RNF152: variants seen among roughly 807,000 people sequenced by gnomAD.
RNF152 encodes ring finger protein 152.
In RNF152, 11 loss-of-function variants were observed where a neutral mutation model predicts 12.7. The observed-to-expected ratio is 0.86, with a 90% CI of 0.54 to 1.43. RNF152 has a LOEUF of 1.43. RNF152 is among the 40% of genes most tolerant of loss of function. RNF152 has a pLI of 0.00. For missense variants in RNF152, 255 were observed against 274.8 expected, an observed-to-expected ratio of 0.93 and a Z score of 0.51; for synonymous variants, 113 against 120.3, an observed-to-expected ratio of 0.94 and a Z score of 0.40.
intron 1 of RNF152, among the ~76,000 whole-genome samples, chr18:61,875,304 C>A (rs1307858984): frequency 6.6e-6 from 1 of 152,198 alleles, no homozygotes; most frequent in Admixed American, 6.5e-5. Context: ...TCTGTAAAAT[C>A]TTTTCAATAT....
intron 1 of RNF152, among the ~76,000 whole-genome samples, chr18:61,834,641 T>G (rs148850550): frequency 6.6e-6 from 1 of 152,066 alleles, no homozygotes; most frequent in East Asian, 1.9e-4. Context: ...GCTCAATAAA[T>G]GCTTGTAGAA....
In RNF152 at chr18:61,809,236, A is replaced by G. The variant is rs9963722; in HGVS notation, c.*6616T>C. 37,411 of 151,812 alleles carry G rather than the reference A, an allele frequency of 0.25. 4,736 individuals are homozygous for G. Among genetic ancestry groups the G allele is most frequent in the African/African-American group, 0.3 (12,575 of 41,364 alleles). The allele number at this position is 151,812 out of a possible 1,614,324, so 9.4% of individuals were successfully genotyped here. ...CCCTCTCCCTCTACTTAATAGTTGC[A>G]TTGTCCCTCAACCCAGAAAATCCTA... On this transcript the variant is annotated 3_prime_UTR_variant, in exon 2 of 2. Coordinates refer to ENST00000312828, the MANE Select transcript of RNF152 (RefSeq NM_173557.3).
At chr18:61,860,123 A>G (rs1911398718) in intron 1 of RNF152, among the ~76,000 whole-genome samples, 1 of 152,166 alleles carries the variant, frequency 6.6e-6, no homozygotes. Context: ...GACTGCCGAC[A>G]GCACGAGAAG....
At chr18:61,877,062 T>C (rs566230002) in intron 1 of RNF152, among the ~76,000 whole-genome samples, 239 of 152,222 alleles carry the variant, frequency 1.6e-3, no homozygotes, top group Non-Finnish European at 2.6e-3. Context: ...CCTGTGCAAA[T>C]AGAACAGGCA....
In RNF152 at chr18:61,808,553, T is replaced by C. The variant is rs1486243268; in HGVS notation, c.*7299A>G. On this transcript the variant is annotated 3_prime_UTR_variant, in exon 2 of 2. Coordinates refer to ENST00000312828, the MANE Select transcript of RNF152 (RefSeq NM_173557.3). Reference sequence around the variant, plus strand: ...GCCAGAGAACCCACCGCTAAAGCCGTAGGGTGGGAGGAACCCTGGATTGCA... The same window carrying C: ...GCCAGAGAACCCACCGCTAAAGCCGCAGGGTGGGAGGAACCCTGGATTGCA... The C allele has an allele frequency of 2.0e-5, 3 of 152,110 alleles. No individual in the cohort carries two copies. The highest frequency in any genetic ancestry group is 2.9e-5 in the Non-Finnish European group (2 of 68,022). 9.4% of individuals were successfully genotyped at this position (152,110 alleles called of 1,614,324 possible).
intron 1 of RNF152, among the ~76,000 whole-genome samples, chr18:61,863,835 G>A (rs912199262): frequency 7.9e-5 from 12 of 152,202 alleles, no homozygotes; most frequent in Admixed American, 6.5e-5. Flanking sequence ...GAGCCAGGGC[G>A]GAGTGGCAGG....
intron 1 of RNF152, among the ~76,000 whole-genome samples, chr18:61,862,446 G>C (rs1218393562): frequency 5.3e-5 from 8 of 152,212 alleles, no homozygotes; most frequent in Non-Finnish European, 1.2e-4. Flanking sequence ...CTTTCAAAAA[G>C]GTGGGAGGGA....
rs1017892181 is a variant in RNF152 at position 61,816,196 on chromosome 18, C to T, written c.268G>A (p.Val90Ile). ...AIPHTSEHTPVFIKLPSNGCY... is the reference protein window; with the variant it reads ...AIPHTSEHTPIFIKLPSNGCY... ...CCATTGCTGGGAAGTTTGATGAAGA[C>T]CGGGGTGTGTTCGGAAGTGTGTGGA... Residue 90 changes from valine to isoleucine, a missense_variant, in exon 2 of 2, where the codon GTC (valine) becomes ATC (isoleucine). Physicochemically the swap from Val to Ile is conservative, Grantham distance 29. Transcript: ENST00000312828. 3.1e-6 allele frequency: 5 copies of T among 1,614,094 alleles called. No individual in the cohort carries two copies. The highest frequency in any genetic ancestry group is 4.2e-6 in the Non-Finnish European group (5 of 1,180,044).
In RNF152 at chr18:61,816,042, G is replaced by C. The variant is rs753961700; in HGVS notation, c.422C>G (p.Pro141Arg). 2 of 1,614,246 alleles carry C rather than the reference G, an allele frequency of 1.2e-6. No homozygotes were observed. Among genetic ancestry groups the C allele is most frequent in the South Asian group, 2.2e-5 (2 of 91,086 alleles). ...TVVTIPAEQQ[P>R]LQGGAPQEAV... Reference sequence around the variant, plus strand: ...CTCCTGGGGAGCCCCACCTTGCAGAGGCTGCTGTTCAGCAGGGATGGTCAC... The same window carrying C: ...CTCCTGGGGAGCCCCACCTTGCAGACGCTGCTGTTCAGCAGGGATGGTCAC... Residue 141 changes from proline (P) to arginine (R), a missense_variant, in exon 2 of 2, where the codon CCT becomes CGT. Physicochemically the swap from Pro to Arg is moderately radical, Grantham distance 103. Transcript: ENST00000312828.
At chr18:61,854,751 G>T (rs1911141973) in intron 1 of RNF152, among the ~76,000 whole-genome samples, 1 of 152,134 alleles carries the variant, frequency 6.6e-6, no homozygotes, top group Non-Finnish European at 1.5e-5. Flanking sequence ...AGAACCCAGT[G>T]CTGAATCATG....
At chr18:61,839,306 AGTC>A (rs1223304830) in intron 1 of RNF152, among the ~76,000 whole-genome samples, 1 of 152,218 alleles carries the variant, frequency 6.6e-6, no homozygotes, top group Non-Finnish European at 1.5e-5. Flanking sequence ...ATAATCCTTT[AGTC>A]TTCCTCAATC....
intron 1 of RNF152, among the ~76,000 whole-genome samples, chr18:61,843,976 A>T (rs1179562375): frequency 6.6e-6 from 1 of 151,584 alleles, no homozygotes; most frequent in African/African-American, 2.4e-5. Context: ...GTATTTTACC[A>T]CAGTAAAAAT....
chr18:61,837,895 CA>C (rs1283776891), intron 1 of RNF152, among the ~76,000 whole-genome samples: 1 of 152,240 alleles, frequency 6.6e-6, no homozygotes, highest in Non-Finnish European at 1.5e-5. Flanking sequence ...GGATAGCCCA[CA>C]AGATCCTGGG....
In RNF152 at chr18:61,887,698, T is replaced by C. The variant is rs1369052724; in HGVS notation, c.-136+5097A>G. Among the ~76,000 whole-genome samples, 11 of 100,302 alleles carry C rather than the reference T, an allele frequency of 1.1e-4. No homozygotes were observed. The Admixed American group carries it at 1.3e-3, about 12-fold the overall frequency. The allele number at this position is 100,302 out of a possible 152,430, so 65.8% of individuals were successfully genotyped here. On this transcript the variant is annotated intron_variant, in intron 1 of 1. Coordinates refer to ENST00000312828, the MANE Select transcript of RNF152 (RefSeq NM_173557.3). The stretch of plus-strand genomic sequence containing the variant: ...GCCTGGGTGACAGAGTGAGACTCCA[T>C]CTCAAAAAAAAAAAAAAAAAAAAGA...
At chr18:61,848,783 G>C (rs1451073142) in intron 1 of RNF152, among the ~76,000 whole-genome samples, 1 of 152,196 alleles carries the variant, frequency 6.6e-6, no homozygotes, top group African/African-American at 2.4e-5. Context: ...GGGACAAGGG[G>C]CTAAGGCAGG....
intron 1 of RNF152, among the ~76,000 whole-genome samples, chr18:61,878,898 C>A (rs1037777253): frequency 1.3e-5 from 2 of 152,192 alleles, no homozygotes; most frequent in Non-Finnish European, 2.9e-5. Context: ...CACATACATT[C>A]AAATGATAGC....
chr18:61,843,939 A>G (rs767833674), intron 1 of RNF152, among the ~76,000 whole-genome samples: 2 of 151,994 alleles, frequency 1.3e-5, no homozygotes, highest in Non-Finnish European at 2.9e-5. Flanking sequence ...CTTAAAAATG[A>G]TAGAAATGCT....
intron 1 of RNF152, among the ~76,000 whole-genome samples, chr18:61,890,207 C>T (rs1273198158): frequency 6.6e-6 from 1 of 152,218 alleles, no homozygotes; most frequent in Non-Finnish European, 1.5e-5. Flanking sequence ...AGCTAGGTCC[C>T]ATAGGACACA....
intron 1 of RNF152, chr18:61,888,125 T>A (rs1912781229): frequency 6.6e-6 from 1 of 152,206 alleles, no homozygotes; most frequent in Non-Finnish European, 1.5e-5. Flanking sequence ...AAATAAGGCA[T>A]CCTCTCCACT....
Sources: gnomAD v4.1 joint callset for allele counts (sites outside exome capture counted in the v4.1 genomes callset) on GRCh38, gnomAD v4.1.1 for gene constraint, MANE v1.5 for transcripts, NCBI Gene and HGNC (gene_info 2026-07-23, HGNC 2026-07-21) for gene names.